MYH14: variants seen among roughly 807,000 people sequenced by gnomAD.
MYH14 encodes the protein myosin heavy chain 14, also known as myosin-14.
Under a neutral mutation model 255.5 loss-of-function variants are expected in MYH14, and 123 were observed. The observed-to-expected ratio is 0.48, with a 90% CI of 0.42 to 0.56. The LOEUF is 0.56. Among genes scored for constraint, MYH14 ranks in the 20% least tolerant of loss-of-function variants. The pLI is 0.00. For synonymous variants in MYH14, 1,095 were observed against 1,161.2 expected, an observed-to-expected ratio of 0.94 and a Z score of 1.16; for missense variants, 2,423 against 2,802.3, an observed-to-expected ratio of 0.86 and a Z score of 3.06.
chr19:50,309,571 TCCTCCCCCTTTCTCCTCC>T, intron 42 of MYH14, 51 bp from the exon 43 acceptor site: 4 of 946,426 alleles, frequency 4.2e-6, no homozygotes, highest in Non-Finnish European at 6.5e-6. Context: ...TCTCTCTCTC[TCCTCCCCCTTTCTCCTCC>T]CCTCCCCTCC....
chr19:50,272,624 G>T lies in MYH14; in HGVS notation c.3360G>T (p.Gly1120=). ...AGAAGCTGAAGCGGAGGCTGGATGG[G>T]GAGAGCTCAGAGCTGCAGGAGCAGA... ...ELEKLKRRLD[G]ESSELQEQMV... is the part of the protein sequence containing the mutation. The change falls in exon 27 of 43, where the codon GGG becomes GGT. Residue 1120 remains glycine, a synonymous_variant. Coordinates refer to ENST00000642316, the MANE Select transcript of MYH14 (RefSeq NM_001145809.2). The T allele has an allele frequency of 6.3e-7, 1 of 1,577,922 alleles. No homozygotes were observed. Among genetic ancestry groups the T allele is most frequent in the Non-Finnish European group, 8.6e-7 (1 of 1,162,926 alleles).
chr19:50,232,722 C>A (rs1353584049), intron 10 of MYH14, among the ~76,000 whole-genome samples: 1 of 151,594 alleles, frequency 6.6e-6, no homozygotes, highest in Admixed American at 6.6e-5. Context: ...TGAACGAAGT[C>A]CTGAGGAAGT....
chr19:50,287,903 C>T (rs1303202743), intron 34 of MYH14, among the ~76,000 whole-genome samples: 1 of 152,156 alleles, frequency 6.6e-6, no homozygotes. Flanking sequence ...CATACACACA[C>T]ACACACACAC....
rs1400353865 is a variant in MYH14, at chr19:50,272,624, G to A, written c.3360G>A (p.Gly1120=). The change falls in exon 27 of 43, where the codon GGG becomes GGA. Residue 1120 remains glycine, a synonymous_variant. Transcript: ENST00000642316. ...ELEKLKRRLD[G]ESSELQEQMV... is the part of the protein sequence containing the mutation. ...AGAAGCTGAAGCGGAGGCTGGATGG[G>A]GAGAGCTCAGAGCTGCAGGAGCAGA... 6.3e-7 allele frequency: 1 copy of A among 1,577,922 alleles called. No homozygotes were observed. Among genetic ancestry groups the A allele is most frequent in the Admixed American group, 1.9e-5 (1 of 53,952 alleles).
intron 27 of MYH14, among the ~76,000 whole-genome samples, chr19:50,274,519 T>C (rs990640876): frequency 6.6e-6 from 1 of 152,156 alleles, no homozygotes; most frequent in African/African-American, 2.4e-5. Context: ...GGTCTCAAAC[T>C]CCTGACCTCA....
At chr19:50,253,113 C>G (rs2034463468) in intron 16 of MYH14, among the ~76,000 whole-genome samples, 2 of 152,088 alleles carry the variant, frequency 1.3e-5, no homozygotes, top group South Asian at 4.1e-4. Context: ...AAGAAGTAAA[C>G]TTATTATTTT....
rs2036004179 is a variant in MYH14 at position 50,289,666 on chromosome 19, G to A, written c.4965+18G>A. On this transcript the variant is annotated intron_variant, in intron 35 of 42. Transcript: ENST00000642316. ...CCAAGCAGGTATTGTCACACAGAAG[G>A]CCACAGGGTGCCAGTCCAGCTGGGG... The A allele has an allele frequency of 1.9e-6, 3 of 1,589,264 alleles. No homozygotes were observed. The highest frequency in any genetic ancestry group is 2.7e-5 in the African/African-American group (2 of 74,428).
At chr19:50,245,811 T>C (rs1568493297) in intron 11 of MYH14, among the ~76,000 whole-genome samples, 1 of 152,228 alleles carries the variant, frequency 6.6e-6, no homozygotes, top group African/African-American at 2.4e-5. Flanking sequence ...ACACATTTAC[T>C]CATTTGTTTT....
At chr19:50,243,856 A>G (rs1189860979) in intron 10 of MYH14, among the ~76,000 whole-genome samples, 1 of 152,146 alleles carries the variant, frequency 6.6e-6, no homozygotes, top group East Asian at 1.9e-4. Flanking sequence ...CAAAATACAC[A>G]ACGTAAGCAG....
At position 50,250,074 on chromosome 19, in the gene MYH14, G is replaced by A. The variant is rs1343891108; in HGVS notation, c.1656+251G>A. On this transcript the variant is annotated intron_variant, in intron 14 of 42. Transcript: ENST00000642316. The surrounding 1 kb of genome is among the most constrained non-coding windows in gnomAD (Gnocchi z 5.4). ...CTCTCACCGTAACTGTTGTTCTCAC[G>A]TTTGTTTTTTGTTTGTTTGTTTTGT... Among the ~76,000 whole-genome samples the A allele has an allele frequency of 2.6e-5, 4 of 152,200 alleles. No homozygotes were observed. The highest frequency in any genetic ancestry group is 4.4e-5 in the Non-Finnish European group (3 of 68,024).
rs1236890322 is a variant in MYH14 at position 50,309,760 on chromosome 19, T to C, written c.6081T>C (p.Pro2027=). 2 of 1,588,834 alleles carry C rather than the reference T, an allele frequency of 1.3e-6. No homozygotes were observed. The highest frequency in any genetic ancestry group is 4.6e-5 in the East Asian group (2 of 43,426). ...AQPGSGPSPE[P]EGSPPAHPQ ...CTGGGTCTGGGCCATCCCCGGAGCC[T>C]GAGGGGTCCCCACCAGCCCACCCCC... Residue 2027 remains proline, a synonymous_variant, in exon 43 of 43, where the codon CCT becomes CCC. Coordinates refer to ENST00000642316, the MANE Select transcript of MYH14 (RefSeq NM_001145809.2).
intron 16 of MYH14, among the ~76,000 whole-genome samples, chr19:50,253,783 G>C (rs1216188431): frequency 6.6e-6 from 1 of 152,164 alleles, no homozygotes; most frequent in Non-Finnish European, 1.5e-5. Context: ...GGAGGTTTGA[G>C]AAATGGTTTT....
rs1402106275 is a variant in MYH14 at position 50,301,751 on chromosome 19, G to T, written c.5560G>T (p.Glu1854Ter). 1 of 1,613,780 alleles carries T rather than the reference G, an allele frequency of 6.2e-7. No homozygotes were observed. Among genetic ancestry groups the T allele is most frequent in the African/African-American group, 1.3e-5 (1 of 74,898 alleles). Residue 1854 changes from glutamate (E) to a stop codon, truncating the protein, a stop_gained, in exon 40 of 43, where the codon GAG (glutamate) becomes TAG (stop). Transcript: ENST00000642316. LOFTEE classifies it high-confidence loss of function. ...GRQQLERQIQ[E>*]LRGRLGEEDA... ...GCAGCAGCTGGAACGGCAGATCCAG[G>T]AGCTACGGGGACGCCTGGGTGAGGA... is the stretch of plus-strand genomic sequence containing the variant.
At chr19:50,212,861 G>GA (rs2032271906) in intron 2 of MYH14, among the ~76,000 whole-genome samples, 2 of 152,102 alleles carry the variant, frequency 1.3e-5, no homozygotes, top group African/African-American at 4.8e-5. Context: ...CTGGAAAAGA[G>GA]GCCTCTACAT....
At chr19:50,214,174 C>T (rs2032348180) in intron 2 of MYH14, among the ~76,000 whole-genome samples, 1 of 152,196 alleles carries the variant, frequency 6.6e-6, no homozygotes. Flanking sequence ...TTGTGGATGA[C>T]TCCCAGGCAC....
intron 24 of MYH14, among the ~76,000 whole-genome samples, chr19:50,269,594 C>A (rs1402274488): frequency 1.3e-5 from 2 of 152,142 alleles, no homozygotes; most frequent in Non-Finnish European, 1.5e-5. Context: ...GTGAGGGGGG[C>A]CGACATCACA....
intron 22 of MYH14, among the ~76,000 whole-genome samples, chr19:50,265,174 G>C (rs1354516442): frequency 2.0e-5 from 3 of 152,198 alleles, no homozygotes; most frequent in African/African-American, 7.2e-5. Context: ...CGTTAGCATG[G>C]TGTCTGCAGC....
intron 35 of MYH14, 87 bp downstream of exon 35, chr19:50,289,735 C>G: frequency 8.1e-7 from 1 of 1,227,904 alleles, no homozygotes; most frequent in Non-Finnish European, 1.1e-6. Context: ...AGCAAGGGGT[C>G]TCCCCGACCC....
intron 24 of MYH14, among the ~76,000 whole-genome samples, chr19:50,268,785 G>A (rs1471746132): frequency 6.6e-6 from 1 of 152,196 alleles, no homozygotes; most frequent in Admixed American, 6.5e-5. Context: ...CTGGATCCAG[G>A]TGCCCAAGTG....
Sources: gnomAD v4.1 joint callset for allele counts (sites outside exome capture counted in the v4.1 genomes callset) on GRCh38, gnomAD v4.1.1 for gene constraint, Gnocchi (gnomAD v3.1) non-coding constraint, MANE v1.5 for transcripts, NCBI Gene and HGNC (gene_info 2026-07-23, HGNC 2026-07-21) for gene names.